ZBTB20: variants seen among roughly 807,000 people sequenced by gnomAD.
ZBTB20 encodes zinc finger and BTB domain containing 20.
ZBTB20 carries 9 observed loss-of-function variants against 56.9 expected under a neutral mutation model. The ratio of observed to expected loss-of-function variants is 0.16; its 90% CI spans 0.10 to 0.28. The LOEUF (loss-of-function observed/expected upper bound fraction) is 0.28, where lower values mean the gene tolerates loss of function less well. ZBTB20 is among the 10% of genes least tolerant of loss of function. The pLI is 1.00. For missense variants in ZBTB20, 655 were observed against 1,003.0 expected (o/e 0.65, Z 4.69); for synonymous variants, 417 against 420.7 (o/e 0.99, Z 0.11).
chr3:114,940,844 TGAAA>T, intron 3 of ZBTB20, among the ~76,000 whole-genome samples: 1 of 145,896 alleles, frequency 6.9e-6, no homozygotes, highest in Non-Finnish European at 1.5e-5. Context: ...TACTCAACAA[TGAAA>T]GAAATGCATT....
chr3:114,338,037 T>TC lies in ZBTB20; in HGVS notation c.*967dup, dbSNP rs2079520134. The TC allele has an allele frequency of 6.6e-6, 1 of 151,552 alleles. No homozygotes were observed. Among genetic ancestry groups the TC allele is most frequent in the Admixed American group, 6.6e-5 (1 of 15,212 alleles). The allele number at this position is 151,552 out of a possible 1,614,324, so 9.4% of individuals were successfully genotyped here. On this transcript the variant is annotated 3_prime_UTR_variant, in exon 12 of 12. Transcript: ENST00000675478. ...AAAAGCCTCAAGAACTTTTTATTGT[T>TC]CCCCCCACCCTCCATTTCTTTTTCT...
At chr3:114,704,996 T>C (rs1560148878) in intron 5 of ZBTB20, among the ~76,000 whole-genome samples, 1 of 152,180 alleles carries the variant, frequency 6.6e-6, no homozygotes, top group Non-Finnish European at 1.5e-5. Context: ...ATATGTACTA[T>C]ACCATTTAAT....
chr3:114,978,466 T>C (rs2078196307), intron 2 of ZBTB20, among the ~76,000 whole-genome samples: 2 of 151,652 alleles, frequency 1.3e-5, no homozygotes, highest in Middle Eastern at 3.4e-3. Context: ...ATAAATTATA[T>C]GTAATAGGAT....
intron 6 of ZBTB20, among the ~76,000 whole-genome samples, chr3:114,650,221 A>G (rs2060058078): frequency 7.6e-6 from 1 of 131,638 alleles, no homozygotes; most frequent in Non-Finnish European, 1.5e-5. Context: ...GTTTATATAA[A>G]GCATTATTAT....
intron 2 of ZBTB20, among the ~76,000 whole-genome samples, chr3:115,055,484 T>A (rs956495916): frequency 2.0e-5 from 3 of 152,066 alleles, no homozygotes; most frequent in Non-Finnish European, 4.4e-5. Context: ...GAGATAAATG[T>A]TTGTTGTTTT....
chr3:114,733,749 C>T (rs76082321), intron 5 of ZBTB20, among the ~76,000 whole-genome samples: 1,640 of 152,110 alleles, frequency 0.011, 26 homozygotes, highest in South Asian at 0.059. Context: ...TTGCTATCAA[C>T]GGCATCATGT....
intron 3 of ZBTB20, among the ~76,000 whole-genome samples, chr3:114,929,758 G>C (rs1227022418): frequency 6.6e-6 from 1 of 152,076 alleles, no homozygotes; most frequent in Non-Finnish European, 1.5e-5. Context: ...GGTGTCACTG[G>C]TCTTCATTTT....
At chr3:114,594,945 T>C (rs1006507670) in intron 6 of ZBTB20, among the ~76,000 whole-genome samples, 1 of 152,250 alleles carries the variant, frequency 6.6e-6, no homozygotes, top group African/African-American at 2.4e-5. Flanking sequence ...GTTAGTCTAA[T>C]GTATAAGAAT....
intron 4 of ZBTB20, among the ~76,000 whole-genome samples, chr3:114,812,897 G>C (rs942704110): frequency 6.6e-6 from 1 of 152,206 alleles, no homozygotes; most frequent in Admixed American, 6.5e-5. Context: ...GCTGGCCCAG[G>C]TGCTAAGCCC....
intron 6 of ZBTB20, among the ~76,000 whole-genome samples, chr3:114,675,339 T>G (rs963129590): frequency 1.2e-4 from 11 of 88,786 alleles, no homozygotes; most frequent in African/African-American, 5.0e-4. Flanking sequence ...TTTTTTTTGC[T>G]GGGCCGGGGG....
intron 5 of ZBTB20, chr3:114,792,159 TTTTC>T (rs1265165536): frequency 6.6e-6 from 1 of 152,202 alleles, no homozygotes; most frequent in Non-Finnish European, 1.5e-5. Context: ...TACAAAAGCT[TTTTC>T]TTCATTCAAA....
intron 3 of ZBTB20, among the ~76,000 whole-genome samples, chr3:114,927,507 T>C (rs1411972421): frequency 6.6e-6 from 1 of 152,148 alleles, no homozygotes. Flanking sequence ...TGAGCCACCA[T>C]ACCTGGCCTC....
chr3:114,881,731 C>T (rs75148401), intron 4 of ZBTB20, among the ~76,000 whole-genome samples: 4,417 of 151,778 alleles, frequency 0.029, 146 homozygotes, highest in African/African-American at 0.075. Context: ...ATGATCGCTG[C>T]CTTCCTAAAA....
chr3:115,104,291 C>A (rs2083661747), intron 1 of ZBTB20, among the ~76,000 whole-genome samples: 1 of 152,154 alleles, frequency 6.6e-6, no homozygotes, highest in Non-Finnish European at 1.5e-5. Context: ...GACAGTTTGG[C>A]AGTTTCTTAC....
chr3:115,139,639 G>C (rs140827056), intron 1 of ZBTB20, among the ~76,000 whole-genome samples: 1 of 151,976 alleles, frequency 6.6e-6, no homozygotes, highest in African/African-American at 2.4e-5. Context: ...TTTGCTTAGA[G>C]AAGAGAATCA....
intron 6 of ZBTB20, among the ~76,000 whole-genome samples, chr3:114,504,534 C>G (rs1032183258): frequency 6.6e-6 from 1 of 152,090 alleles, no homozygotes; most frequent in African/African-American, 2.4e-5. Flanking sequence ...CAATGTTATA[C>G]CAAAAAGAAA....
intron 1 of ZBTB20, among the ~76,000 whole-genome samples, chr3:115,093,114 C>CA (rs1439739322): frequency 2.0e-5 from 3 of 152,050 alleles, no homozygotes; most frequent in Non-Finnish European, 2.9e-5. Flanking sequence ...AAAGTCAGAA[C>CA]AAAAAACCAG....
At chr3:115,064,544 C>A (rs1192627404) in intron 2 of ZBTB20, among the ~76,000 whole-genome samples, 1 of 150,632 alleles carries the variant, frequency 6.6e-6, no homozygotes, top group African/African-American at 2.4e-5. Flanking sequence ...CTCCGCCTCC[C>A]GGGTTCAAGT....
rs1181277823 is a variant in ZBTB20 at position 114,330,675 on chromosome 3, C to G, written c.*8330G>C. ...AAAGTTGCAACTGTAAGTAGCCTTA[C>G]TTAACAGGGGAAGGGGAAAAGTCAC... On this transcript the variant is annotated 3_prime_UTR_variant, in exon 12 of 12. Coordinates refer to ENST00000675478, the MANE Select transcript of ZBTB20 (RefSeq NM_001348800.3). 6.6e-6 allele frequency: 1 copy of G among 152,084 alleles called. No homozygotes were observed. The highest frequency in any genetic ancestry group is 1.5e-5 in the Non-Finnish European group (1 of 68,004). 9.4% of individuals were successfully genotyped at this position (152,084 alleles called of 1,614,324 possible). A position where few individuals can be genotyped will look rare whatever the true frequency, so the allele number is the denominator to read the frequency against.
Sources: allele counts gnomAD v4.1 joint callset (sites outside exome capture counted in the v4.1 genomes callset), GRCh38; gene constraint gnomAD v4.1.1; transcripts MANE v1.5; gene names NCBI Gene and HGNC (gene_info 2026-07-23, HGNC 2026-07-21).